Variants in LRRC3B observed in about 807,000 individuals in gnomAD.
LRRC3B encodes the protein leucine-rich repeat-containing protein 3B.
In LRRC3B, 2 loss-of-function variants were observed where a neutral mutation model predicts 12.8. That is an observed-to-expected ratio of 0.16 (90% confidence interval 0.06 to 0.49). The LOEUF is 0.49. Ranked by LOEUF, LRRC3B falls within the 20% of genes least tolerant of loss-of-function variation. The pLI is 0.96. For synonymous variants in LRRC3B, 132 were observed against 122.0 expected (o/e 1.08, Z -0.54); for missense variants, 189 against 319.4 (o/e 0.59, Z 3.11).
intron 1 of LRRC3B, among the ~76,000 whole-genome samples, chr3:26,652,956 A>G (rs1699295036): frequency 6.6e-6 from 1 of 152,120 alleles, no homozygotes; most frequent in Non-Finnish European, 1.5e-5. Flanking sequence ...ACATGCTGAA[A>G]TCTATTTCTG....
At position 26,636,902 on chromosome 3, in the gene LRRC3B, CTTTCTCTCTTTCTCTCTTTCTTTCTT is replaced by C. The variant is rs1258552908; in HGVS notation, c.-161+13667_-161+13692del. Among the ~76,000 whole-genome samples, 12 of 92,668 alleles carry C rather than the reference CTTTCTCTCTTTCTCTCTTTCTTTCTT, an allele frequency of 1.3e-4. 1 individual carries two copies. Among genetic ancestry groups the C allele is most frequent in the East Asian group, 1.1e-3 (2 of 1,810 alleles). 60.8% of individuals were successfully genotyped at this position (92,668 alleles called of 152,430 possible). On this transcript the variant is annotated intron_variant, in intron 1 of 1. Coordinates refer to ENST00000396641, the Ensembl canonical transcript of LRRC3B. ...CCTTCCTTCCTTTCTCTCTCTCTCT[CTTTCTCTCTTTCTCTCTTTCTTTCTT>C]TCTTTCTTTCTTTCTTTCTTTCTTT... is the stretch of plus-strand genomic sequence containing the variant.
In LRRC3B at chr3:26,645,563, T is replaced by G. The variant is rs543720757; in HGVS notation, c.-161+22326T>G. Among the ~76,000 whole-genome samples the G allele has an allele frequency of 2.0e-5, 3 of 152,088 alleles. No individual in the cohort carries two copies. In the East Asian group the frequency reaches 5.8e-4, roughly 29 times the overall value. On this transcript the variant is annotated intron_variant, in intron 1 of 1. Coordinates refer to ENST00000396641, the Ensembl canonical transcript of LRRC3B. ...GCATATATCTATATCTATATATATA[T>G]AGATATATACACATGTATAATTTTC...
chr3:26,681,352 G>A (rs1004888417), intron 1 of LRRC3B, among the ~76,000 whole-genome samples: 2 of 152,182 alleles, frequency 1.3e-5, no homozygotes, highest in African/African-American at 2.4e-5. Flanking sequence ...ATATACTTAT[G>A]AGAACATATT....
intron 1 of LRRC3B, among the ~76,000 whole-genome samples, chr3:26,659,499 C>T (rs1414903170): frequency 6.6e-6 from 1 of 152,138 alleles, no homozygotes; most frequent in Non-Finnish European, 1.5e-5. Context: ...AAGTGATATA[C>T]AGATATTAAG....
At chr3:26,672,640 A>T (rs1699772101) in intron 1 of LRRC3B, among the ~76,000 whole-genome samples, 1 of 152,208 alleles carries the variant, frequency 6.6e-6, no homozygotes, top group African/African-American at 2.4e-5. Flanking sequence ...CAAATTTATT[A>T]TCCAGTTTCT....
chr3:26,706,511 G>C (rs942103526), intron 1 of LRRC3B, among the ~76,000 whole-genome samples: 15 of 152,164 alleles, frequency 9.9e-5, no homozygotes, highest in African/African-American at 3.1e-4. Flanking sequence ...AGCAAGGCGT[G>C]CTCTGTATTT....
chr3:26,708,327 AAGAT>A (rs562471234), intron 1 of LRRC3B, among the ~76,000 whole-genome samples: 10 of 152,224 alleles, frequency 6.6e-5, no homozygotes, highest in African/African-American at 1.9e-4. Context: ...CATAGCATAA[AAGAT>A]AGGGCTGCAA....
At chr3:26,699,906 A>G (rs1236829529) in intron 1 of LRRC3B, among the ~76,000 whole-genome samples, 2 of 152,318 alleles carry the variant, frequency 1.3e-5, no homozygotes, top group East Asian at 1.9e-4. Context: ...TGCTGTGCTC[A>G]GTATCCACAG....
chr3:26,667,583 G>T (rs2125428094), intron 1 of LRRC3B, among the ~76,000 whole-genome samples: 1 of 152,320 alleles, frequency 6.6e-6, no homozygotes, highest in Middle Eastern at 3.4e-3. Context: ...GGAAGGGCTG[G>T]TGAAGCTCCT....
At chr3:26,668,449 A>T (rs1207953788) in intron 1 of LRRC3B, among the ~76,000 whole-genome samples, 1 of 152,158 alleles carries the variant, frequency 6.6e-6, no homozygotes, top group Admixed American at 6.5e-5. Context: ...TGCAATGGAA[A>T]TATGCTTGCT....
chr3:26,700,269 A>C (rs539866236), intron 1 of LRRC3B, among the ~76,000 whole-genome samples: 1 of 152,272 alleles, frequency 6.6e-6, no homozygotes, highest in African/African-American at 2.4e-5. Context: ...ATTTTCCCAA[A>C]TTTGGCAGGA....
chr3:26,685,486 C>CT (rs1700057482), intron 1 of LRRC3B, among the ~76,000 whole-genome samples: 2 of 49,574 alleles, frequency 4.0e-5, no homozygotes, highest in Non-Finnish European at 3.4e-5. Flanking sequence ...AGACTCTCTC[C>CT]CTCTCTCTCT....
chr3:26,651,356 T>C (rs540013916), intron 1 of LRRC3B, among the ~76,000 whole-genome samples: 3 of 152,350 alleles, frequency 2.0e-5, no homozygotes, highest in African/African-American at 7.2e-5. Flanking sequence ...CTCTGCCTTA[T>C]TCTCTATCAT....
intron 1 of LRRC3B, among the ~76,000 whole-genome samples, chr3:26,691,105 G>GTGTATATA (rs372629683): frequency 0.012 from 980 of 84,802 alleles, 17 homozygotes; most frequent in African/African-American, 0.02. Flanking sequence ...GTGTGTGTGT[G>GTGTATATA]TATATATATA....
At chr3:26,683,487 A>ATGAG (rs1369402735) in intron 1 of LRRC3B, among the ~76,000 whole-genome samples, 1 of 152,190 alleles carries the variant, frequency 6.6e-6, no homozygotes, top group African/African-American at 2.4e-5. Flanking sequence ...AAGATATGCT[A>ATGAG]TGAGTTGGAT....
At chr3:26,658,297 A>T (rs1478869327) in intron 1 of LRRC3B, among the ~76,000 whole-genome samples, 1 of 152,090 alleles carries the variant, frequency 6.6e-6, no homozygotes, top group African/African-American at 2.4e-5. Flanking sequence ...TGACCTTGTG[A>T]TCTGCCCGCC....
chr3:26,671,346 G>GTATATATATATATATATATATA (rs1186942021), intron 1 of LRRC3B, among the ~76,000 whole-genome samples: 1 of 56,336 alleles, frequency 1.8e-5, no homozygotes, highest in African/African-American at 1.1e-4. Flanking sequence ...GTGTATATAT[G>GTATATATATATATATATATATA]TGTGTATATA....
At chr3:26,667,506 C>T (rs1284580168) in intron 1 of LRRC3B, among the ~76,000 whole-genome samples, 4 of 152,150 alleles carry the variant, frequency 2.6e-5, no homozygotes, top group Non-Finnish European at 5.9e-5. Flanking sequence ...TATTCAGGGA[C>T]TTAGGCTCCT....
At chr3:26,622,877 C>G (rs1007668734) in exon 1 of LRRC3B, 4 of 152,330 alleles carry the variant, frequency 2.6e-5, no homozygotes, top group Admixed American at 2.6e-4. Flanking sequence ...GCTCTTCCTG[C>G]AAGGCTACGG....
Sources: allele counts gnomAD v4.1 joint callset (sites outside exome capture counted in the v4.1 genomes callset), GRCh38; gene constraint gnomAD v4.1.1; transcripts MANE v1.5; gene names NCBI Gene and HGNC (gene_info 2026-07-23, HGNC 2026-07-21).